Variants in NCK1 observed in about 807,000 individuals in gnomAD.
NCK1 encodes NCK adaptor protein 1, also known as SH2/SH3 adapter protein NCK1.
NCK1 carries 19 observed loss-of-function variants against 36.6 expected under a neutral mutation model. The observed-to-expected ratio is 0.52, with a 90% CI of 0.36 to 0.76. NCK1 has a LOEUF of 0.76. Ranked by LOEUF, NCK1 falls within the 30% of genes least tolerant of loss-of-function variation. The pLI is 0.00. For missense variants in NCK1, 358 were observed against 445.6 expected (o/e 0.80, Z 1.77); for synonymous variants, 165 against 156.0 (o/e 1.06, Z -0.43).
chr3:136,885,189 A>T (rs1939045491), intron 1 of NCK1, among the ~76,000 whole-genome samples: 1 of 152,220 alleles, frequency 6.6e-6, no homozygotes, highest in South Asian at 2.1e-4. Flanking sequence ...ATGGGTGAGA[A>T]TATGGATATT....
chr3:136,932,059 C>T (rs1940405278), intron 2 of NCK1, among the ~76,000 whole-genome samples: 1 of 145,738 alleles, frequency 6.9e-6, no homozygotes, highest in Non-Finnish European at 1.5e-5. Context: ...GTAGAGGCTG[C>T]AGTGAGCCAA....
chr3:136,884,101 G>A (rs1939013581), intron 1 of NCK1, among the ~76,000 whole-genome samples: 1 of 152,180 alleles, frequency 6.6e-6, no homozygotes, highest in Admixed American at 6.5e-5. Context: ...GTGATACGAT[G>A]AAGTCATAAT....
intron 1 of NCK1, among the ~76,000 whole-genome samples, chr3:136,877,164 A>T (rs1484684781): frequency 6.6e-6 from 1 of 152,206 alleles, no homozygotes; most frequent in Non-Finnish European, 1.5e-5. Flanking sequence ...AATGAATCTA[A>T]TTGACATGCA....
rs202237179 is a variant in NCK1, at chr3:136,946,154, T to G, written c.798T>G (p.Cys266Trp). ...TSGLEPSPPQCDYIRPSLTGK... is the reference protein window; with the variant it reads ...TSGLEPSPPQWDYIRPSLTGK... The stretch of plus-strand genomic sequence containing the variant: ...GTTTGGAACCATCACCTCCACAGTG[T>G]GATTACATTAGGCCTTCACTCACTG... Residue 266 changes from cysteine to tryptophan, a missense_variant, in exon 3 of 4, where the codon TGT becomes TGG. Coordinates refer to ENST00000481752, the MANE Select transcript of NCK1 (RefSeq NM_001291999.2). 5 of 1,613,774 alleles carry G rather than the reference T, an allele frequency of 3.1e-6. No homozygotes were observed. The East Asian group carries it at 1.1e-4, about 36-fold the overall frequency.
Position 136,949,124 on chromosome 3 carries a change from C to G in NCK1, c.*671C>G, listed in dbSNP as rs1423271769. The G allele has an allele frequency of 2.6e-5, 4 of 152,258 alleles. No individual in the cohort carries two copies. Among genetic ancestry groups the G allele is most frequent in the South Asian group, 2.1e-4 (1 of 4,828 alleles). 9.4% of individuals were successfully genotyped at this position (152,258 alleles called of 1,614,324 possible). A position where few individuals can be genotyped will look rare whatever the true frequency, so the allele number is the denominator to read the frequency against. On this transcript the variant is annotated 3_prime_UTR_variant, in exon 4 of 4. Transcript: ENST00000481752. ...GAAATAAAAATCACTTAATTTTTTT[C>G]CAGTGCTTCTCCCTCATCTGGTTAT... is the stretch of plus-strand genomic sequence containing the variant.
chr3:136,865,460 T>G (rs1435576345), intron 1 of NCK1, among the ~76,000 whole-genome samples: 1 of 152,214 alleles, frequency 6.6e-6, no homozygotes, highest in Non-Finnish European at 1.5e-5. Flanking sequence ...TTATTTTACT[T>G]TTTCACCATG....
At position 136,945,946 on chromosome 3, in the gene NCK1, C is replaced by G; in HGVS notation, c.590C>G (p.Ala197Gly). The change falls in exon 3 of 4, where the codon GCT becomes GGT. Residue 197 changes from alanine to glycine, a missense_variant. Ala to Gly is a moderately conservative substitution (Grantham distance 60, BLOSUM62 0). This residue lies in a region of NCK1 where 207 missense variants were observed against 253.4 expected (regional missense o/e 0.82). Coordinates refer to ENST00000481752, the MANE Select transcript of NCK1 (RefSeq NM_001291999.2). ...NTGQVLHVVQALYPFSSSNDE... is the reference protein window; with the variant it reads ...NTGQVLHVVQGLYPFSSSNDE... ...GGGCAAGTGTTGCATGTGGTACAGG[C>G]TCTTTACCCATTCAGCTCATCTAAT... 3 of 1,614,008 alleles carry G rather than the reference C, an allele frequency of 1.9e-6. No individual in the cohort carries two copies. The highest frequency in any genetic ancestry group is 2.5e-6 in the Non-Finnish European group (3 of 1,179,994).
chr3:136,891,196 C>T (rs1026670022), intron 1 of NCK1, among the ~76,000 whole-genome samples: 5 of 152,226 alleles, frequency 3.3e-5, no homozygotes, highest in Admixed American at 6.5e-5. Context: ...TGCAGTGGCA[C>T]GATCTCGGCT....
At chr3:136,883,096 T>G (rs945567504) in intron 1 of NCK1, among the ~76,000 whole-genome samples, 4 of 152,032 alleles carry the variant, frequency 2.6e-5, no homozygotes, top group Admixed American at 2.6e-4. Context: ...TTTTTTGTGT[T>G]TTTTAGTAGA....
At chr3:136,887,351 A>G (rs567476639) in intron 1 of NCK1, among the ~76,000 whole-genome samples, 1 of 152,164 alleles carries the variant, frequency 6.6e-6, no homozygotes, top group African/African-American at 2.4e-5. Context: ...CTATCTTAAC[A>G]TAAAATGGAA....
At chr3:136,927,937 T>TAAA in intron 1 of NCK1, 47 bp from the exon 2 acceptor site, 1 of 1,315,976 alleles carries the variant, frequency 7.6e-7, no homozygotes, top group South Asian at 1.3e-5. Flanking sequence ...GCATGTGAAC[T>TAAA]AATACTACCT....
chr3:136,907,312 A>T (rs1003219352), intron 1 of NCK1, among the ~76,000 whole-genome samples: 1 of 152,042 alleles, frequency 6.6e-6, no homozygotes, highest in Non-Finnish European at 1.5e-5. Flanking sequence ...AGGGATGTGG[A>T]GATGCAGGGT....
At chr3:136,877,230 A>G (rs1242459409) in intron 1 of NCK1, among the ~76,000 whole-genome samples, 1 of 152,192 alleles carries the variant, frequency 6.6e-6, no homozygotes. Flanking sequence ...TGCCTATGAA[A>G]GTTTTTCCCA....
chr3:136,884,204 A>T (rs1178150385), intron 1 of NCK1, among the ~76,000 whole-genome samples: 1 of 152,156 alleles, frequency 6.6e-6, no homozygotes, highest in African/African-American at 2.4e-5. Flanking sequence ...AACCAGAAGC[A>T]GGTGGCGTGG....
chr3:136,939,963 C>T (rs1294056632), intron 2 of NCK1, among the ~76,000 whole-genome samples: 1 of 150,782 alleles, frequency 6.6e-6, no homozygotes, highest in Non-Finnish European at 1.5e-5. Flanking sequence ...GCAATCCTCC[C>T]AACTCAGCCT....
intron 2 of NCK1, among the ~76,000 whole-genome samples, chr3:136,944,603 G>C (rs558068387): frequency 1.3e-5 from 2 of 152,264 alleles, no homozygotes; most frequent in African/African-American, 4.8e-5. Context: ...TAAATAGGAA[G>C]GAAAACAAGG....
At position 136,916,165 on chromosome 3, in the gene NCK1, C is replaced by T. The variant is rs902211302; in HGVS notation, c.-18-11819C>T. ...CTCCAGTCACCTGGAGATTACAATT[C>T]GACATGAGATTTGGGTGGATACACA... On this transcript the variant is annotated intron_variant, in intron 1 of 3. Transcript: ENST00000481752. Among the ~76,000 whole-genome samples, 10 of 152,160 alleles carry T rather than the reference C, an allele frequency of 6.6e-5. No individual in the cohort carries two copies. The South Asian group carries it at 1.2e-3, about 19-fold the overall frequency.
chr3:136,931,820 A>G (rs925576474), intron 2 of NCK1, among the ~76,000 whole-genome samples: 12 of 152,200 alleles, frequency 7.9e-5, no homozygotes, highest in African/African-American at 2.9e-4. Flanking sequence ...CAGAAATGAC[A>G]TAAAAAGAAT....
rs985637083 is a variant in NCK1 at position 136,950,247 on chromosome 3, TC to T, written c.*1796del. On this transcript the variant is annotated 3_prime_UTR_variant, in exon 4 of 4. Transcript: ENST00000481752. Reference sequence around the variant, plus strand: ...ATGTTTCTGGGTTTTCCCCCAGTCTTCCTTATGAAAAAAATGTATGTTTGTA... The same window carrying T: ...ATGTTTCTGGGTTTTCCCCCAGTCTTCTTATGAAAAAAATGTATGTTTGTA... Among the ~76,000 whole-genome samples the T allele has an allele frequency of 5.3e-5, 8 of 152,096 alleles. No homozygotes were observed. The highest frequency in any genetic ancestry group is 1.4e-4 in the African/African-American group (6 of 41,440).
Sources: gnomAD v4.1 joint callset for allele counts (sites outside exome capture counted in the v4.1 genomes callset) on GRCh38, gnomAD v4.1.1 for gene constraint, gnomAD v4.1.1 regional missense constraint, MANE v1.5 for transcripts, NCBI Gene and HGNC (gene_info 2026-07-23, HGNC 2026-07-21) for gene names.